DCC: variants seen among roughly 807,000 people sequenced by gnomAD.
The protein encoded by DCC is netrin receptor DCC.
Under a neutral mutation model 172.5 loss-of-function variants are expected in DCC, and 58 were observed. That is an observed-to-expected ratio of 0.34 (90% CI 0.27 to 0.42). The LOEUF (loss-of-function observed/expected upper bound fraction) is 0.42. Among genes scored for constraint, DCC ranks in the 10% least tolerant of loss-of-function variants. The pLI is 1.00. For synonymous variants in DCC, 709 were observed against 644.5 expected (o/e 1.10, Z -1.52); for missense variants, 1,740 against 1,791.0 (o/e 0.97, Z 0.51).
chr18:53,039,009 A>T (rs1312927277), intron 5 of DCC, among the ~76,000 whole-genome samples: 1 of 151,974 alleles, frequency 6.6e-6, no homozygotes, highest in African/African-American at 2.4e-5. Context: ...TCAGGGAAAA[A>T]ATATCTTGGA....
rs552469347 is a variant in DCC, at chr18:53,005,700, C to T, written c.986-57605C>T. ...CTGAGATCATGCCACTGCACTCCAGCCTGGGTGACAGAGTGAGATTCTGTC... is the reference window on the plus strand; with the variant it reads ...CTGAGATCATGCCACTGCACTCCAGTCTGGGTGACAGAGTGAGATTCTGTC... On this transcript the variant is annotated intron_variant, in intron 5 of 28. Coordinates refer to ENST00000442544, the MANE Select transcript of DCC (RefSeq NM_005215.4). 3.9e-5 allele frequency among the ~76,000 whole-genome samples: 6 copies of T among 152,182 alleles called. No individual in the cohort carries two copies. In the East Asian group the frequency reaches 9.7e-4, roughly 25 times the overall value.
At chr18:53,261,596 A>G (rs1304556520) in intron 12 of DCC, among the ~76,000 whole-genome samples, 1 of 152,120 alleles carries the variant, frequency 6.6e-6, no homozygotes. Context: ...GAGAAGCCAA[A>G]GAGAGTGGCT....
chr18:53,015,529 G>A (rs1224524934), intron 5 of DCC, among the ~76,000 whole-genome samples: 5 of 152,042 alleles, frequency 3.3e-5, no homozygotes, highest in African/African-American at 1.2e-4. Flanking sequence ...TATTTAGAGG[G>A]TACATGCATG....
chr18:52,757,958 C>T (rs2037101910), intron 2 of DCC, among the ~76,000 whole-genome samples: 1 of 152,096 alleles, frequency 6.6e-6, no homozygotes, highest in Non-Finnish European at 1.5e-5. Flanking sequence ...ACGCTGTAAA[C>T]AATTTCTTAT....
chr18:52,670,170 T>C (rs1599004977), intron 1 of DCC, among the ~76,000 whole-genome samples: 1 of 152,332 alleles, frequency 6.6e-6, no homozygotes, highest in African/African-American at 2.4e-5. Context: ...TTTAGAAACT[T>C]GTTCGGGGCT....
chr18:52,420,271 T>TAGACCCA (rs1391918536), intron 1 of DCC, among the ~76,000 whole-genome samples: 3 of 152,156 alleles, frequency 2.0e-5, no homozygotes, highest in African/African-American at 7.2e-5. Flanking sequence ...ACTCAATCTC[T>TAGACCCA]AGACCCAAGG....
intron 22 of DCC, among the ~76,000 whole-genome samples, chr18:53,444,885 G>A (rs1239755815): frequency 1.3e-5 from 2 of 152,004 alleles, no homozygotes; most frequent in Non-Finnish European, 2.9e-5. Context: ...TAAATTGCAA[G>A]TTCCATGAAG....
chr18:53,071,540 C>T (rs907228997), intron 7 of DCC, among the ~76,000 whole-genome samples: 4 of 152,106 alleles, frequency 2.6e-5, no homozygotes, highest in African/African-American at 9.7e-5. Flanking sequence ...AACACATGCA[C>T]AAATAGAGGA....
intron 7 of DCC, among the ~76,000 whole-genome samples, chr18:53,099,121 T>C (rs1488524746): frequency 2.6e-5 from 4 of 152,172 alleles, no homozygotes; most frequent in Admixed American, 2.6e-4. Context: ...TAGCCACTTA[T>C]GTTTCTTGCC....
intron 12 of DCC, among the ~76,000 whole-genome samples, chr18:53,264,802 C>T (rs2056653296): frequency 6.6e-6 from 1 of 151,958 alleles, no homozygotes; most frequent in Non-Finnish European, 1.5e-5. Flanking sequence ...TCAGAATGGA[C>T]AGAACAATAT....
At chr18:53,071,528 A>G (rs2042651154) in intron 7 of DCC, among the ~76,000 whole-genome samples, 1 of 152,198 alleles carries the variant, frequency 6.6e-6, no homozygotes, top group Admixed American at 6.5e-5. Context: ...CTCTCTCTAT[A>G]GAACACATGC....
intron 12 of DCC, among the ~76,000 whole-genome samples, chr18:53,302,037 T>A (rs2057147740): frequency 6.6e-6 from 1 of 152,234 alleles, no homozygotes; most frequent in Non-Finnish European, 1.5e-5. Context: ...GGCTTATAGA[T>A]GGCTACCTTC....
chr18:52,823,757 G>A (rs189812444), intron 2 of DCC, among the ~76,000 whole-genome samples: 3 of 152,286 alleles, frequency 2.0e-5, no homozygotes, highest in Admixed American at 2.0e-4. Context: ...ATAAGAATGA[G>A]CCCAACAACT....
intron 5 of DCC, among the ~76,000 whole-genome samples, chr18:52,948,859 C>CT (rs2040591395): frequency 6.6e-6 from 1 of 152,122 alleles, no homozygotes; most frequent in African/African-American, 2.4e-5. Context: ...TGTAAGAAAA[C>CT]TAAGTCTCTG....
chr18:53,459,090 C>T, intron 23 of DCC, 142 bp from the exon 24 acceptor site: 2 of 720,600 alleles, frequency 2.8e-6, no homozygotes, highest in East Asian at 2.7e-5. Flanking sequence ...CAAGACAAGT[C>T]TGCCAATTCC....
chr18:52,448,356 C>G (rs1988192082), intron 1 of DCC, among the ~76,000 whole-genome samples: 1 of 152,166 alleles, frequency 6.6e-6, no homozygotes, highest in Non-Finnish European at 1.5e-5. Context: ...GACTGCTGCT[C>G]TAGTCCAACC....
intron 1 of DCC, among the ~76,000 whole-genome samples, chr18:52,453,888 G>T (rs905170492): frequency 6.6e-6 from 1 of 152,184 alleles, no homozygotes; most frequent in Non-Finnish European, 1.5e-5. Context: ...GGTGCTTACA[G>T]AAATGAAATG....
intron 1 of DCC, among the ~76,000 whole-genome samples, chr18:52,659,765 T>A (rs1269686666): frequency 1.3e-5 from 2 of 152,156 alleles, no homozygotes; most frequent in Non-Finnish European, 2.9e-5. Flanking sequence ...TAAGTTGTAG[T>A]TAAAAAATTA....
At chr18:53,467,819 G>A in intron 24 of DCC, 75 bp from the exon 25 acceptor site, 1 of 809,638 alleles carries the variant, frequency 1.2e-6, no homozygotes, top group South Asian at 1.3e-5. Flanking sequence ...AAAGGCATTG[G>A]AATGCCTGCT....
Sources: gnomAD v4.1 joint callset for allele counts (sites outside exome capture counted in the v4.1 genomes callset) on GRCh38, gnomAD v4.1.1 for gene constraint, MANE v1.5 for transcripts, NCBI Gene and HGNC (gene_info 2026-07-23, HGNC 2026-07-21) for gene names.